C8orf34: variants seen among roughly 807,000 people sequenced by gnomAD.
C8orf34 encodes the protein uncharacterized protein C8orf34.
In C8orf34, 65 loss-of-function variants were observed where a neutral mutation model predicts 68.3. The observed-to-expected ratio is 0.95, with a 90% CI of 0.78 to 1.17. C8orf34 has a LOEUF of 1.17. Among genes scored for constraint, C8orf34 ranks in the 50% most tolerant of loss-of-function variants. C8orf34 has a pLI of 0.00. For synonymous variants in C8orf34, 244 were observed against 241.2 expected, an observed-to-expected ratio of 1.01 and a Z score of -0.11; for missense variants, 664 against 655.4, an observed-to-expected ratio of 1.01 and a Z score of -0.14.
At chr8:68,778,060 A>G (rs1823572351) in intron 11 of C8orf34, among the ~76,000 whole-genome samples, 1 of 152,200 alleles carries the variant, frequency 6.6e-6, no homozygotes. Context: ...GATCTTAATT[A>G]GTAAACTATT....
intron 8 of C8orf34, among the ~76,000 whole-genome samples, chr8:68,661,683 G>A (rs1247309966): frequency 6.6e-6 from 1 of 151,986 alleles, no homozygotes; most frequent in Non-Finnish European, 1.5e-5. Flanking sequence ...ATTCCCCTAG[G>A]GCTCATGTGA....
At chr8:68,559,556 A>G (rs1038563992) in intron 7 of C8orf34, among the ~76,000 whole-genome samples, 2 of 152,144 alleles carry the variant, frequency 1.3e-5, no homozygotes, top group Non-Finnish European at 2.9e-5. Context: ...ATGGCACATG[A>G]GTCTATGGCA....
chr8:68,617,958 A>G (rs1818275691), intron 7 of C8orf34, among the ~76,000 whole-genome samples: 3 of 152,048 alleles, frequency 2.0e-5, no homozygotes, highest in Admixed American at 2.0e-4. Context: ...ACATAGTCCC[A>G]TATTTCTTGG....
chr8:68,485,885 C>G (rs1813059370), intron 4 of C8orf34, among the ~76,000 whole-genome samples: 1 of 151,718 alleles, frequency 6.6e-6, no homozygotes, highest in Non-Finnish European at 1.5e-5. Flanking sequence ...TCTATGCTCT[C>G]TTAAAATAGA....
rs569014475 is a variant in C8orf34 at position 68,650,223 on chromosome 8, C to T, written c.1241+9712C>T. ...TACCCGAGGTTCGTTGTCCCATGGC[C>T]GTGGAAAATTAGGATGCCGACACAC... is the stretch of plus-strand genomic sequence containing the variant. On this transcript the variant is annotated intron_variant, in intron 8 of 13. Transcript: ENST00000518698. Among the ~76,000 whole-genome samples the T allele has an allele frequency of 1.3e-4, 20 of 150,046 alleles. No individual in the cohort carries two copies. In the East Asian group the frequency reaches 3.9e-3, roughly 29 times the overall value.
chr8:68,552,699 G>A (rs1273336410), intron 7 of C8orf34, among the ~76,000 whole-genome samples: 6 of 152,090 alleles, frequency 3.9e-5, no homozygotes, highest in Non-Finnish European at 8.8e-5. Flanking sequence ...TATGTTGGCT[G>A]TGGATTTTTT....
chr8:68,382,119 A>G (rs1031273957), intron 1 of C8orf34, among the ~76,000 whole-genome samples: 1 of 152,222 alleles, frequency 6.6e-6, no homozygotes, highest in Non-Finnish European at 1.5e-5. Flanking sequence ...AACATATTTT[A>G]TCTATTTCCT....
chr8:68,641,492 T>C (rs757140494), intron 8 of C8orf34, among the ~76,000 whole-genome samples: 5 of 152,134 alleles, frequency 3.3e-5, no homozygotes, highest in African/African-American at 4.8e-5. Context: ...TTCAGACAAG[T>C]AATATTTGGT....
intron 10 of C8orf34, among the ~76,000 whole-genome samples, chr8:68,738,694 A>G (rs1040183792): frequency 6.6e-6 from 1 of 152,150 alleles, no homozygotes; most frequent in Non-Finnish European, 1.5e-5. Context: ...GAGGAAATGG[A>G]TAAATTCCTG....
At chr8:68,482,092 A>T (rs1321511993) in intron 4 of C8orf34, among the ~76,000 whole-genome samples, 4 of 152,200 alleles carry the variant, frequency 2.6e-5, no homozygotes, top group Non-Finnish European at 5.9e-5. Context: ...GAGGTAATTG[A>T]ATCATGGGGA....
chr8:68,464,481 C>T (rs865954214), intron 3 of C8orf34, among the ~76,000 whole-genome samples: 10,672 of 151,210 alleles, frequency 0.071, 681 homozygotes, highest in African/African-American at 0.16. Context: ...AAAAAGAGCC[C>T]GCATCGCCAA....
chr8:68,601,756 A>C (rs1279749660), intron 7 of C8orf34, among the ~76,000 whole-genome samples: 1 of 151,700 alleles, frequency 6.6e-6, no homozygotes, highest in Non-Finnish European at 1.5e-5. Context: ...GTCTTTTCTC[A>C]TTCAAGTTGT....
chr8:68,605,924 C>A (rs1034417912), intron 7 of C8orf34, among the ~76,000 whole-genome samples: 6 of 152,076 alleles, frequency 3.9e-5, no homozygotes, highest in Non-Finnish European at 8.8e-5. Context: ...ACAGATGAAC[C>A]CCTGGGGGAT....
intron 1 of C8orf34, among the ~76,000 whole-genome samples, chr8:68,422,027 T>TG (rs1213271899): frequency 6.6e-6 from 1 of 152,190 alleles, no homozygotes; most frequent in East Asian, 1.9e-4. Flanking sequence ...TACCTCCACC[T>TG]GGTTCCACCC....
intron 10 of C8orf34, among the ~76,000 whole-genome samples, chr8:68,768,463 T>C (rs1283157225): frequency 6.6e-6 from 1 of 152,206 alleles, no homozygotes; most frequent in Non-Finnish European, 1.5e-5. Context: ...ATCAACACTT[T>C]TAATTCAAAT....
intron 6 of C8orf34, among the ~76,000 whole-genome samples, chr8:68,531,748 C>T (rs1815254864): frequency 6.6e-6 from 1 of 151,918 alleles, no homozygotes; most frequent in African/African-American, 2.4e-5. Flanking sequence ...ATACATACCC[C>T]TATAAACCCT....
At chr8:68,723,767 T>C (rs1291364009) in intron 10 of C8orf34, among the ~76,000 whole-genome samples, 1 of 152,162 alleles carries the variant, frequency 6.6e-6, no homozygotes, top group East Asian at 1.9e-4. Flanking sequence ...ATCCTGTCTT[T>C]AGTATTTGGC....
intron 5 of C8orf34, among the ~76,000 whole-genome samples, chr8:68,518,240 G>C (rs1814601173): frequency 6.6e-6 from 1 of 152,110 alleles, no homozygotes; most frequent in Admixed American, 6.5e-5. Flanking sequence ...CATGTCCCTT[G>C]GTGAGACTAC....
chr8:68,678,642 A>C (rs1158386090), intron 8 of C8orf34, among the ~76,000 whole-genome samples: 3 of 152,176 alleles, frequency 2.0e-5, no homozygotes, highest in African/African-American at 7.2e-5. Context: ...TAGTATACTG[A>C]ATGGGGAAAA....
Sources: allele counts gnomAD v4.1 joint callset (sites outside exome capture counted in the v4.1 genomes callset), GRCh38; gene constraint gnomAD v4.1.1; transcripts MANE v1.5; gene names NCBI Gene and HGNC (gene_info 2026-07-23, HGNC 2026-07-21).